The following KCNH5 variants were observed in gnomAD, a reference collection of about 807,000 sequenced individuals.
KCNH5 encodes the protein potassium voltage-gated channel subfamily H member 5, also known as voltage-gated delayed rectifier potassium channel KCNH5.
A neutral mutation model predicts 96.1 loss-of-function variants in KCNH5; 46 were observed. That is an observed-to-expected ratio of 0.48 (90% CI 0.38 to 0.61). The LOEUF (loss-of-function observed/expected upper bound fraction) is 0.61, where lower values mean the gene tolerates loss of function less well. KCNH5 is among the 20% of genes least tolerant of loss of function. The probability of loss-of-function intolerance (pLI) is 0.00; values close to 1 mark genes in which losing one functional copy is unlikely to be tolerated. For synonymous variants in KCNH5, 439 were observed against 449.8 expected (o/e 0.98, Z 0.30); for missense variants, 907 against 1,225.8 (o/e 0.74, Z 3.88).
chr14:62,755,410 C>A (rs1449297567), intron 10 of KCNH5, among the ~76,000 whole-genome samples: 1 of 152,034 alleles, frequency 6.6e-6, no homozygotes, highest in African/African-American at 2.4e-5. Flanking sequence ...CTTGATAGAC[C>A]AACAAGAAGT....
At chr14:62,864,066 A>G (rs1174689058) in intron 7 of KCNH5, among the ~76,000 whole-genome samples, 12 of 152,284 alleles carry the variant, frequency 7.9e-5, no homozygotes, top group Middle Eastern at 3.4e-3. Context: ...CCATCTGTAC[A>G]TGACCAAGAG....
intron 9 of KCNH5, among the ~76,000 whole-genome samples, chr14:62,781,093 G>C (rs962272785): frequency 7.2e-5 from 11 of 152,106 alleles, no homozygotes; most frequent in Admixed American, 2.6e-4. Context: ...GCATCAGCTG[G>C]CTTGAGAAAT....
chr14:63,023,681 A>C (rs543572757), intron 1 of KCNH5, among the ~76,000 whole-genome samples: 1 of 152,324 alleles, frequency 6.6e-6, no homozygotes, highest in Admixed American at 6.5e-5. Flanking sequence ...AGAAAGTTGA[A>C]GTTCTCAACA....
At chr14:62,840,728 T>C (rs1887568084) in intron 8 of KCNH5, among the ~76,000 whole-genome samples, 2 of 151,396 alleles carry the variant, frequency 1.3e-5, no homozygotes, top group African/African-American at 4.9e-5. Flanking sequence ...CGCCACCACA[T>C]CCAGCTAATT....
chr14:62,962,587 G>A (rs1890233788), intron 6 of KCNH5, among the ~76,000 whole-genome samples: 1 of 152,134 alleles, frequency 6.6e-6, no homozygotes, highest in Non-Finnish European at 1.5e-5. Context: ...AAGGTCATCA[G>A]AAGTGCTAAC....
At chr14:62,828,688 A>G (rs1413883322) in intron 8 of KCNH5, among the ~76,000 whole-genome samples, 1 of 152,076 alleles carries the variant, frequency 6.6e-6, no homozygotes, top group East Asian at 1.9e-4. Flanking sequence ...ACATGTGGGG[A>G]TTACAATTTA....
At chr14:62,741,704 T>C (rs1230061780) in intron 10 of KCNH5, among the ~76,000 whole-genome samples, 2 of 152,160 alleles carry the variant, frequency 1.3e-5, no homozygotes, top group Admixed American at 1.3e-4. Flanking sequence ...TTATTTTCTA[T>C]AAATTTCCTA....
chr14:62,874,469 A>G (rs765875618), intron 7 of KCNH5, among the ~76,000 whole-genome samples: 13 of 152,228 alleles, frequency 8.5e-5, no homozygotes, highest in Non-Finnish European at 1.9e-4. Context: ...AGAAACCAGC[A>G]GCACATCAGA....
At chr14:62,827,883 T>C (rs567657227) in intron 8 of KCNH5, among the ~76,000 whole-genome samples, 60 of 152,194 alleles carry the variant, frequency 3.9e-4, no homozygotes, top group South Asian at 1.5e-3. Context: ...GCACCAACTA[T>C]ACACATATTG....
chr14:62,747,883 TAGG>T (rs1885411848), intron 10 of KCNH5, among the ~76,000 whole-genome samples: 1 of 152,150 alleles, frequency 6.6e-6, no homozygotes. Flanking sequence ...TTTGTGTTAA[TAGG>T]AGAAAAAAAG....
chr14:62,965,282 T>C (rs1436811213), intron 6 of KCNH5, among the ~76,000 whole-genome samples: 3 of 152,014 alleles, frequency 2.0e-5, no homozygotes, highest in African/African-American at 7.2e-5. Context: ...GGTGTTTGAG[T>C]CATGGGAGTG....
At chr14:62,733,190 A>ATAT (rs1885087381) in intron 10 of KCNH5, among the ~76,000 whole-genome samples, 2 of 152,120 alleles carry the variant, frequency 1.3e-5, no homozygotes, top group Non-Finnish European at 2.9e-5. Context: ...AATAGTTTAT[A>ATAT]TAATATAGTG....
At chr14:62,766,738 A>G (rs372959769) in intron 10 of KCNH5, among the ~76,000 whole-genome samples, 1 of 152,226 alleles carries the variant, frequency 6.6e-6, no homozygotes, top group African/African-American at 2.4e-5. Flanking sequence ...GGTACAAAAA[A>G]GTAGAAAGAA....
At chr14:62,846,950 G>A (rs866865649) in intron 8 of KCNH5, among the ~76,000 whole-genome samples, 1 of 148,376 alleles carries the variant, frequency 6.7e-6, no homozygotes, top group African/African-American at 2.5e-5. Flanking sequence ...ACAGGCGCCC[G>A]CCAGCACGCC....
chr14:62,769,701 G>A (rs181449528), intron 10 of KCNH5, among the ~76,000 whole-genome samples: 48 of 152,312 alleles, frequency 3.2e-4, no homozygotes, highest in African/African-American at 1.1e-3. Flanking sequence ...CAAAGATATT[G>A]TGTGTTTTTA....
chr14:62,825,823 T>A (rs1468614773), intron 8 of KCNH5, among the ~76,000 whole-genome samples: 1 of 152,064 alleles, frequency 6.6e-6, no homozygotes, highest in African/African-American at 2.4e-5. Flanking sequence ...GTTCTCTTGC[T>A]CCTTCCCTTA....
At chr14:62,866,679 G>A (rs1888140659) in intron 7 of KCNH5, among the ~76,000 whole-genome samples, 1 of 152,122 alleles carries the variant, frequency 6.6e-6, no homozygotes, top group Non-Finnish European at 1.5e-5. Context: ...ACAATATGAA[G>A]AAGAAGAAAT....
intron 3 of KCNH5, among the ~76,000 whole-genome samples, chr14:63,003,399 C>T (rs1236387767): frequency 1.4e-5 from 2 of 140,746 alleles, no homozygotes; most frequent in East Asian, 4.1e-4. Context: ...TTGGAGGAGC[C>T]TCGGCTATCA....
chr14:62,770,114 G>C (rs1036256973), intron 10 of KCNH5, among the ~76,000 whole-genome samples: 1 of 151,806 alleles, frequency 6.6e-6, no homozygotes, highest in Admixed American at 6.5e-5. Flanking sequence ...GTGAAGAAAA[G>C]AAAAAAAAGT....
Sources: allele counts gnomAD v4.1 joint callset (sites outside exome capture counted in the v4.1 genomes callset), GRCh38; gene constraint gnomAD v4.1.1; transcripts MANE v1.5; gene names NCBI Gene and HGNC (gene_info 2026-07-23, HGNC 2026-07-21).